FTO: variants seen among roughly 807,000 people sequenced by gnomAD.
FTO encodes FTO alpha-ketoglutarate dependent dioxygenase.
In FTO, 47 loss-of-function variants were observed where a neutral mutation model predicts 63.9. The ratio of observed to expected loss-of-function variants is 0.74; its 90% CI spans 0.58 to 0.94. FTO has a LOEUF of 0.94. Among genes scored for constraint, FTO ranks in the 40% least tolerant of loss-of-function variants. FTO has a pLI of 0.00. For missense variants in FTO, 562 were observed against 618.1 expected (o/e 0.91, Z 0.96); for synonymous variants, 207 against 224.4 (o/e 0.92, Z 0.69).
chr16:53,729,190 C>T (rs2076216008), intron 1 of FTO, among the ~76,000 whole-genome samples: 1 of 152,058 alleles, frequency 6.6e-6, no homozygotes, highest in Admixed American at 6.5e-5. Flanking sequence ...TCCGTAGGCT[C>T]TTGGCCTGTT....
chr16:54,078,621 T>C (rs2086059958), intron 8 of FTO, among the ~76,000 whole-genome samples: 1 of 152,066 alleles, frequency 6.6e-6, no homozygotes, highest in African/African-American at 2.4e-5. Flanking sequence ...AGAGTTTGTG[T>C]CTCCAGTGAC....
intron 1 of FTO, among the ~76,000 whole-genome samples, chr16:53,804,658 A>AACCATGCTGTGTC (rs535083597): frequency 2.8e-4 from 41 of 148,742 alleles, no homozygotes; most frequent in African/African-American, 8.9e-4. Flanking sequence ...TTTGAGAAAG[A>AACCATGCTGTGTC]ACCATGCTGT....
intron 8 of FTO, among the ~76,000 whole-genome samples, chr16:53,949,365 G>A (rs532311678): frequency 8.5e-5 from 13 of 152,166 alleles, no homozygotes; most frequent in Non-Finnish European, 1.5e-4. Context: ...ATACAAGAGG[G>A]TTTGAGCTTC....
intron 8 of FTO, chr16:53,965,699 C>T (rs952519558): frequency 6.6e-6 from 1 of 152,122 alleles, no homozygotes; most frequent in African/African-American, 2.4e-5. Context: ...CCCTCATTCT[C>T]TCTTTTCTCT....
At chr16:54,020,693 T>G (rs1433957978) in intron 8 of FTO, among the ~76,000 whole-genome samples, 1 of 152,078 alleles carries the variant, frequency 6.6e-6, no homozygotes, top group African/African-American at 2.4e-5. Context: ...CTAGGTTGGT[T>G]GAGTGTGGTG....
chr16:53,863,081 G>T (rs1271848716), intron 4 of FTO, among the ~76,000 whole-genome samples: 1 of 152,198 alleles, frequency 6.6e-6, no homozygotes, highest in African/African-American at 2.4e-5. Context: ...TCAGTTGCCA[G>T]TGGTTTTTTC....
At chr16:54,067,288 A>G (rs367844888) in intron 8 of FTO, among the ~76,000 whole-genome samples, 5 of 152,216 alleles carry the variant, frequency 3.3e-5, no homozygotes, top group African/African-American at 1.2e-4. Flanking sequence ...AGCCAACATG[A>G]ACAGGTTGAA....
At chr16:54,028,329 C>T (rs899257475) in intron 8 of FTO, among the ~76,000 whole-genome samples, 13 of 152,076 alleles carry the variant, frequency 8.5e-5, no homozygotes, top group African/African-American at 2.9e-4. Flanking sequence ...GTTTCTCACT[C>T]TCCAGGATCC....
chr16:53,790,448 G>A (rs2077880272), intron 1 of FTO, among the ~76,000 whole-genome samples: 1 of 151,928 alleles, frequency 6.6e-6, no homozygotes, highest in Admixed American at 6.6e-5. Context: ...TGGGCATGTT[G>A]GCTCACACCT....
At chr16:53,932,003 T>C (rs1210244156) in intron 7 of FTO, among the ~76,000 whole-genome samples, 2 of 152,112 alleles carry the variant, frequency 1.3e-5, no homozygotes, top group Admixed American at 6.6e-5. Context: ...ATCTGAATAG[T>C]GCGTGCCTTT....
intron 1 of FTO, among the ~76,000 whole-genome samples, chr16:53,758,465 C>T (rs539711939): frequency 6.6e-6 from 1 of 152,280 alleles, no homozygotes; most frequent in South Asian, 2.1e-4. Context: ...GATTCCTCTT[C>T]AGGGAAGCTG....
intron 4 of FTO, among the ~76,000 whole-genome samples, chr16:53,869,259 C>T (rs562674141): frequency 2.0e-4 from 30 of 151,964 alleles, no homozygotes; most frequent in Non-Finnish European, 3.1e-4. Context: ...TCTGAGGAAA[C>T]GTCAGATAGC....
At chr16:53,997,575 C>A (rs35702217) in intron 8 of FTO, among the ~76,000 whole-genome samples, 2 of 33,814 alleles carry the variant, frequency 5.9e-5, no homozygotes, top group Non-Finnish European at 1.3e-4. Context: ...AGGGGCGGGG[C>A]GGGGTGGGAG....
intron 7 of FTO, among the ~76,000 whole-genome samples, chr16:53,922,396 C>G (rs190864231): frequency 7.2e-5 from 11 of 152,100 alleles, no homozygotes; most frequent in African/African-American, 2.7e-4. Context: ...CTAATGAATA[C>G]GCAGGCAAGT....
At chr16:53,785,116 T>C (rs956200707) in intron 1 of FTO, among the ~76,000 whole-genome samples, 3 of 152,182 alleles carry the variant, frequency 2.0e-5, no homozygotes, top group African/African-American at 7.2e-5. Context: ...TTTTATTCAT[T>C]AGTAACTTGG....
intron 8 of FTO, among the ~76,000 whole-genome samples, chr16:54,059,763 C>G (rs1439011137): frequency 6.6e-6 from 1 of 152,180 alleles, no homozygotes; most frequent in African/African-American, 2.4e-5. Flanking sequence ...TTTATTAGCA[C>G]CCTCAGAGCT....
chr16:53,705,342 C>A (rs1017754538), intron 1 of FTO, among the ~76,000 whole-genome samples: 15 of 152,182 alleles, frequency 9.9e-5, no homozygotes, highest in Non-Finnish European at 1.9e-4. Context: ...CTGGACCCTA[C>A]CTGCTTTCAC....
intron 8 of FTO, among the ~76,000 whole-genome samples, chr16:54,038,905 C>T (rs560471981): frequency 5.9e-5 from 9 of 152,282 alleles, no homozygotes; most frequent in Admixed American, 1.3e-4. Flanking sequence ...TCCTTTATAA[C>T]AACACAAAAT....
chr16:53,987,614 T>C (rs1405388350), intron 8 of FTO, among the ~76,000 whole-genome samples: 1 of 137,838 alleles, frequency 7.3e-6, no homozygotes, highest in Non-Finnish European at 1.6e-5. Flanking sequence ...AAAAGAAAAA[T>C]GACAGTATGG....
Sources: gnomAD v4.1 joint callset for allele counts (sites outside exome capture counted in the v4.1 genomes callset) on GRCh38, gnomAD v4.1.1 for gene constraint, MANE v1.5 for transcripts, NCBI Gene and HGNC (gene_info 2026-07-23, HGNC 2026-07-21) for gene names.